The following EIF4G3 variants were observed in gnomAD, a reference collection of about 807,000 sequenced individuals.
EIF4G3 encodes eIF-4-gamma 3.
EIF4G3 carries 34 observed loss-of-function variants against 186.4 expected under a neutral mutation model. The ratio of observed to expected loss-of-function variants is 0.18; its 90% confidence interval spans 0.14 to 0.24. The LOEUF is 0.24. Ranked by LOEUF, EIF4G3 falls within the 10% of genes least tolerant of loss-of-function variation. The pLI is 1.00. For missense variants in EIF4G3, 1,536 were observed against 1,948.5 expected, an observed-to-expected ratio of 0.79 and a Z score of 3.99; for synonymous variants, 673 against 679.5, an observed-to-expected ratio of 0.99 and a Z score of 0.15.
At chr1:20,902,426 C>G (rs1165992501) in intron 15 of EIF4G3, among the ~76,000 whole-genome samples, 1 of 151,972 alleles carries the variant, frequency 6.6e-6, no homozygotes, top group Non-Finnish European at 1.5e-5. Context: ...CCCAAATAAG[C>G]TGATACCAGA....
At chr1:21,072,057 A>G (rs995789852) in intron 3 of EIF4G3, among the ~76,000 whole-genome samples, 1 of 152,244 alleles carries the variant, frequency 6.6e-6, no homozygotes, top group Non-Finnish European at 1.5e-5. Flanking sequence ...AAGTCAAAAG[A>G]GAAAATATAT....
chr1:21,082,515 G>A (rs1412582756), intron 3 of EIF4G3, among the ~76,000 whole-genome samples: 1 of 152,102 alleles, frequency 6.6e-6, no homozygotes, highest in East Asian at 1.9e-4. Flanking sequence ...GAACCCAGGA[G>A]ATGGAGGTTG....
intron 2 of EIF4G3, among the ~76,000 whole-genome samples, chr1:21,137,027 ATAT>A (rs879473907): frequency 1.3e-4 from 17 of 128,782 alleles, no homozygotes; most frequent in Non-Finnish European, 2.7e-4. Context: ...ATTGAGTCAA[ATAT>A]TATTAAAATT....
rs777425053 is a variant in EIF4G3 at position 20,950,126 on chromosome 1, A to C, written c.715-15T>G. On this transcript the variant is annotated splice_polypyrimidine_tract_variant and intron_variant, in intron 12 of 36. Transcript: ENST00000602326. ...CTGGGCAGCTGCTGGGATTTGAAGTACAAAAAAGGGTGATAATGAGCGTGC... is the reference window on the plus strand; with the variant it reads ...CTGGGCAGCTGCTGGGATTTGAAGTCCAAAAAAGGGTGATAATGAGCGTGC... 6.4e-7 allele frequency: 1 copy of C among 1,564,032 alleles called. No homozygotes were observed.
chr1:21,097,608 A>C (rs995047673), intron 2 of EIF4G3, among the ~76,000 whole-genome samples: 1 of 152,230 alleles, frequency 6.6e-6, no homozygotes, highest in Non-Finnish European at 1.5e-5. Flanking sequence ...TACTGGCAAA[A>C]GGACATAAAA....
At chr1:21,148,842 C>G (rs2097501466) in intron 2 of EIF4G3, among the ~76,000 whole-genome samples, 1 of 151,136 alleles carries the variant, frequency 6.6e-6, no homozygotes, top group Non-Finnish European at 1.5e-5. Context: ...AAAAAAAAAT[C>G]CAACAATAAG....
intron 18 of EIF4G3, among the ~76,000 whole-genome samples, chr1:20,886,588 G>T (rs1207863434): frequency 6.6e-6 from 1 of 152,088 alleles, no homozygotes; most frequent in African/African-American, 2.4e-5. Flanking sequence ...TGAACAAGAG[G>T]CCTTTTTGAA....
intron 2 of EIF4G3, among the ~76,000 whole-genome samples, chr1:21,151,962 G>C (rs2097558747): frequency 6.6e-6 from 1 of 152,136 alleles, no homozygotes; most frequent in Non-Finnish European, 1.5e-5. Flanking sequence ...AAAGAAGACA[G>C]TAACTAAGCC....
At chr1:21,173,185 T>G (rs570230529) in intron 2 of EIF4G3, among the ~76,000 whole-genome samples, 238 of 149,514 alleles carry the variant, frequency 1.6e-3, no homozygotes, top group African/African-American at 5.6e-3. Flanking sequence ...TCCAAACATT[T>G]TCTAGAAGAC....
chr1:20,809,461 G>A (rs994222075), intron 36 of EIF4G3, among the ~76,000 whole-genome samples: 6 of 152,112 alleles, frequency 3.9e-5, no homozygotes, highest in Admixed American at 1.3e-4. Context: ...TGTACTGCCC[G>A]CTTTAACAAA....
intron 2 of EIF4G3, among the ~76,000 whole-genome samples, chr1:21,109,438 A>C (rs1426146871): frequency 6.6e-6 from 1 of 152,230 alleles, no homozygotes; most frequent in African/African-American, 2.4e-5. Context: ...TGAGCCCAGG[A>C]GTTCCAGACG....
intron 4 of EIF4G3, among the ~76,000 whole-genome samples, chr1:21,034,005 G>C (rs2092970587): frequency 6.6e-6 from 1 of 152,162 alleles, no homozygotes; most frequent in Non-Finnish European, 1.5e-5. Context: ...GAGGGTGGCT[G>C]AGATGGGAGG....
At position 21,124,409 on chromosome 1, in the gene EIF4G3, C is replaced by A. The variant is rs915801861; in HGVS notation, c.-271-35196G>T. Reference sequence around the variant, plus strand: ...GATGTGAGATTGCTTCTTACATGGGCACTACTGGCTTCAAACACCTTGAAG... The same window carrying A: ...GATGTGAGATTGCTTCTTACATGGGAACTACTGGCTTCAAACACCTTGAAG... On this transcript the variant is annotated intron_variant, in intron 2 of 36. Coordinates refer to ENST00000602326, the MANE Select transcript of EIF4G3 (RefSeq NM_001391906.1). 3.3e-5 allele frequency among the ~76,000 whole-genome samples: 5 copies of A among 152,136 alleles called. No individual in the cohort carries two copies. In the East Asian group the frequency reaches 9.6e-4, roughly 29 times the overall value.
intron 34 of EIF4G3, among the ~76,000 whole-genome samples, chr1:20,816,189 C>T (rs2060776167): frequency 1.9e-5 from 2 of 102,848 alleles, no homozygotes; most frequent in African/African-American, 3.8e-5. Context: ...GTGAGGAGCG[C>T]CTCTGCCCGG....
rs186577589 is a variant in EIF4G3 at position 21,029,471 on chromosome 1, G to C, written c.-67+21395C>G. Among the ~76,000 whole-genome samples the C allele has an allele frequency of 4.5e-3, 686 of 152,094 alleles. 5 individuals are homozygous for C. The highest frequency in any genetic ancestry group is 0.016 in the African/African-American group (650 of 41,512). ...GAAGAAAGAGAAATTGAGTCGGGGG[G>C]GGGAAGGGAACTAGTGGGCCAGGTG... On this transcript the variant is annotated intron_variant, in intron 4 of 36. Coordinates refer to ENST00000602326, the MANE Select transcript of EIF4G3 (RefSeq NM_001391906.1).
chr1:21,057,439 C>A (rs145437555), intron 3 of EIF4G3, among the ~76,000 whole-genome samples: 10 of 151,966 alleles, frequency 6.6e-5, no homozygotes. Context: ...TATCCAAAAC[C>A]GGCAAAACTT....
At chr1:20,872,142 A>AGACG (rs1485608355) in intron 20 of EIF4G3, among the ~76,000 whole-genome samples, 3 of 152,140 alleles carry the variant, frequency 2.0e-5, no homozygotes, top group African/African-American at 7.2e-5. Flanking sequence ...CATATATTAG[A>AGACG]GACGGGGTCT....
chr1:21,034,708 G>A (rs1056663037), intron 4 of EIF4G3, among the ~76,000 whole-genome samples: 10 of 152,228 alleles, frequency 6.6e-5, no homozygotes, highest in Non-Finnish European at 1.3e-4. Context: ...AGGTGCTCAG[G>A]TATAGACACC....
chr1:20,814,254 T>TCACA (rs1244796140), intron 34 of EIF4G3, among the ~76,000 whole-genome samples: 10 of 152,106 alleles, frequency 6.6e-5, no homozygotes, highest in Admixed American at 6.6e-4. Flanking sequence ...GCATGAACCA[T>TCACA]CACACCCAGA....
Sources: allele counts gnomAD v4.1 joint callset (sites outside exome capture counted in the v4.1 genomes callset), GRCh38; gene constraint gnomAD v4.1.1; transcripts MANE v1.5; gene names NCBI Gene and HGNC (gene_info 2026-07-23, HGNC 2026-07-21).